CABCOCO1: variants seen among roughly 807,000 people sequenced by gnomAD.
CABCOCO1 encodes the protein ciliary associated calcium binding coiled-coil 1, also known as ciliary-associated calcium-binding coiled-coil protein 1.
CABCOCO1 carries 28 observed loss-of-function variants against 35.7 expected under a neutral mutation model. The observed-to-expected ratio is 0.78, with a 90% CI of 0.58 to 1.07. The LOEUF is 1.07. Ranked by LOEUF, CABCOCO1 falls within the 50% of genes least tolerant of loss-of-function variation. CABCOCO1 has a pLI of 0.00. For missense variants in CABCOCO1, 326 were observed against 309.2 expected (o/e 1.05, Z -0.41); for synonymous variants, 95 against 100.1 (o/e 0.95, Z 0.30).
At chr10:61,747,966 T>C (rs145612182) in intron 5 of CABCOCO1, among the ~76,000 whole-genome samples, 31 of 152,312 alleles carry the variant, frequency 2.0e-4, no homozygotes, top group African/African-American at 6.3e-4. Context: ...TAATAGGCTA[T>C]ACTCATCCTA....
In CABCOCO1 at chr10:61,699,579, G is replaced by T. The variant is rs576548683; in HGVS notation, c.552+8958G>T. Among the ~76,000 whole-genome samples, 299 of 152,004 alleles carry T rather than the reference G, an allele frequency of 2.0e-3. 3 individuals carry two copies. Among genetic ancestry groups the T allele is most frequent in the African/African-American group, 6.8e-3 (283 of 41,464 alleles). On this transcript the variant is annotated intron_variant, in intron 5 of 7. Transcript: ENST00000648843. The stretch of plus-strand genomic sequence containing the variant: ...TGAGGCTGTTCTTACTGCCTGAAAA[G>T]TTCTCTAACATTTTGCTACCAACCC...
At chr10:61,734,517 GAAA>G (rs35877643) in intron 5 of CABCOCO1, among the ~76,000 whole-genome samples, 4 of 148,844 alleles carry the variant, frequency 2.7e-5, no homozygotes, top group Non-Finnish European at 6.0e-5. Flanking sequence ...TAGGAAGGGG[GAAA>G]AAAAAAACAC....
intron 5 of CABCOCO1, among the ~76,000 whole-genome samples, chr10:61,714,222 TC>T (rs1027567142): frequency 5.9e-5 from 9 of 152,220 alleles, no homozygotes; most frequent in Admixed American, 4.6e-4. Flanking sequence ...TTCAACTTCT[TC>T]CTGGTTTAGT....
chr10:61,741,880 T>C (rs1264594948), intron 5 of CABCOCO1, among the ~76,000 whole-genome samples: 4 of 152,240 alleles, frequency 2.6e-5, no homozygotes, highest in Non-Finnish European at 5.9e-5. Flanking sequence ...TATACCCACA[T>C]TTGTGAATTC....
At chr10:61,666,671 A>G (rs921938239) in intron 1 of CABCOCO1, among the ~76,000 whole-genome samples, 1 of 151,990 alleles carries the variant, frequency 6.6e-6, no homozygotes, top group African/African-American at 2.4e-5. Flanking sequence ...ATTTTACTAT[A>G]GTTTGGTCTT....
intron 5 of CABCOCO1, among the ~76,000 whole-genome samples, chr10:61,704,062 CAAA>C (rs61338848): frequency 6.9e-6 from 1 of 144,078 alleles, no homozygotes; most frequent in Admixed American, 6.9e-5. Context: ...ATTAAAAATA[CAAA>C]AAAAAAAAAT....
chr10:61,766,130 C>A lies in CABCOCO1; in HGVS notation c.*117C>A, dbSNP rs1289382657. On this transcript the variant is annotated 3_prime_UTR_variant, in exon 8 of 8. Coordinates refer to ENST00000648843, the MANE Select transcript of CABCOCO1 (RefSeq NM_001366906.2). ...ACTTAGTTGTGAAAGGAAAACCAAG[C>A]CCCACTTTTTATTTTCCTAAGTAAT... 1 of 924,468 alleles carries A rather than the reference C, an allele frequency of 1.1e-6. No individual in the cohort carries two copies. The highest frequency in any genetic ancestry group is 1.6e-6 in the Non-Finnish European group (1 of 628,022). The allele number at this position is 924,468 out of a possible 1,614,324, so 57.3% of individuals were successfully genotyped here.
intron 5 of CABCOCO1, among the ~76,000 whole-genome samples, chr10:61,734,429 A>G (rs1331746811): frequency 1.3e-5 from 2 of 152,040 alleles, no homozygotes; most frequent in Non-Finnish European, 2.9e-5. Flanking sequence ...GAAAACCTGA[A>G]GCCCACCTTC....
At chr10:61,733,552 G>T (rs1342448502) in intron 5 of CABCOCO1, among the ~76,000 whole-genome samples, 1 of 151,942 alleles carries the variant, frequency 6.6e-6, no homozygotes, top group Non-Finnish European at 1.5e-5. Context: ...GTGGAGGTTT[G>T]GTTAAAACTT....
chr10:61,663,750 TG>T (rs1839081716), intron 1 of CABCOCO1, among the ~76,000 whole-genome samples: 1 of 152,112 alleles, frequency 6.6e-6, no homozygotes, highest in South Asian at 2.1e-4. Context: ...CCATAATAAA[TG>T]GGTTTTAAGT....
At chr10:61,684,410 A>G (rs1008786885) in intron 3 of CABCOCO1, among the ~76,000 whole-genome samples, 1 of 152,210 alleles carries the variant, frequency 6.6e-6, no homozygotes, top group African/African-American at 2.4e-5. Flanking sequence ...TAATTTTGGT[A>G]TTTAGGGTAG....
At chr10:61,669,780 T>C (rs370871947) in intron 1 of CABCOCO1, among the ~76,000 whole-genome samples, 53 of 152,096 alleles carry the variant, frequency 3.5e-4, no homozygotes, top group Middle Eastern at 6.3e-3. Flanking sequence ...AGTTCTTGTG[T>C]GACCTACTTT....
At chr10:61,699,081 C>A (rs1433903935) in intron 5 of CABCOCO1, among the ~76,000 whole-genome samples, 1 of 152,020 alleles carries the variant, frequency 6.6e-6, no homozygotes, top group Non-Finnish European at 1.5e-5. Context: ...ATCATACAGG[C>A]CATAATTTGT....
At chr10:61,759,135 T>C (rs1261895513) in intron 5 of CABCOCO1, among the ~76,000 whole-genome samples, 1 of 151,938 alleles carries the variant, frequency 6.6e-6, no homozygotes, top group Non-Finnish European at 1.5e-5. Flanking sequence ...TGTGGGTGGC[T>C]TCATCCCTGG....
At chr10:61,680,825 G>GAGTTTCACAGAAATTTCACAGA (rs1564533003) in intron 2 of CABCOCO1, among the ~76,000 whole-genome samples, 1 of 148,234 alleles carries the variant, frequency 6.7e-6, no homozygotes, top group Non-Finnish European at 1.5e-5. Flanking sequence ...AAAAGACGTT[G>GAGTTTCACAGAAATTTCACAGA]AATTTCACAG....
intron 5 of CABCOCO1, among the ~76,000 whole-genome samples, chr10:61,742,258 C>A (rs1841565655): frequency 6.6e-6 from 1 of 152,120 alleles, no homozygotes; most frequent in Admixed American, 6.6e-5. Context: ...TTAAGCTTGT[C>A]ATGTTTTCTC....
chr10:61,741,060 C>T (rs1296930142), intron 5 of CABCOCO1, among the ~76,000 whole-genome samples: 1 of 152,060 alleles, frequency 6.6e-6, no homozygotes, highest in South Asian at 2.1e-4. Context: ...AAGAGAATCG[C>T]TTGAACCCAG....
At chr10:61,719,247 T>C (rs952937308) in intron 5 of CABCOCO1, among the ~76,000 whole-genome samples, 1 of 152,178 alleles carries the variant, frequency 6.6e-6, no homozygotes, top group Non-Finnish European at 1.5e-5. Flanking sequence ...GGAACGGTAA[T>C]GACATAAGGG....
intron 3 of CABCOCO1, among the ~76,000 whole-genome samples, chr10:61,684,427 T>TA (rs1839893045): frequency 6.6e-6 from 1 of 152,230 alleles, no homozygotes; most frequent in Non-Finnish European, 1.5e-5. Context: ...GTAGAGCACT[T>TA]ACACCCCAGT....
Sources: gnomAD v4.1 joint callset for allele counts (sites outside exome capture counted in the v4.1 genomes callset) on GRCh38, gnomAD v4.1.1 for gene constraint, MANE v1.5 for transcripts, NCBI Gene and HGNC (gene_info 2026-07-23, HGNC 2026-07-21) for gene names.